The following NUP88 variants were observed in gnomAD, a reference collection of about 807,000 sequenced individuals.
NUP88 encodes the protein nucleoporin 88, also known as nuclear pore complex protein Nup88.
NUP88 carries 57 observed loss-of-function variants against 93.9 expected under a neutral mutation model. The observed-to-expected ratio is 0.61, with a 90% confidence interval of 0.49 to 0.76. The LOEUF (loss-of-function observed/expected upper bound fraction) is 0.76, where lower values mean the gene tolerates loss of function less well. Ranked by LOEUF, NUP88 falls within the 30% of genes least tolerant of loss-of-function variation. NUP88 has a pLI of 0.00. For missense variants in NUP88, 911 were observed against 901.0 expected, an observed-to-expected ratio of 1.01 and a Z score of -0.14; for synonymous variants, 346 against 336.8, an observed-to-expected ratio of 1.03 and a Z score of -0.30.
At chr17:5,395,323 CA>C (rs1912704939) in intron 8 of NUP88, among the ~76,000 whole-genome samples, 1 of 106,526 alleles carries the variant, frequency 9.4e-6, no homozygotes, top group African/African-American at 4.0e-5. Context: ...TTGGATTTCA[CA>C]TTTTTTTTTT....
chr17:5,414,764 CAAG>C (rs1432525774), intron 2 of NUP88, among the ~76,000 whole-genome samples: 1 of 149,924 alleles, frequency 6.7e-6, no homozygotes, highest in East Asian at 2.1e-4. Flanking sequence ...ACTAAAAATA[CAAG>C]AATTAGGCAA....
At chr17:5,403,337 C>T (rs1011962168) in intron 7 of NUP88, among the ~76,000 whole-genome samples, 3 of 151,974 alleles carry the variant, frequency 2.0e-5, no homozygotes, top group Non-Finnish European at 2.9e-5. Context: ...ATTAGCAGGG[C>T]GTGGTGGCAC....
chr17:5,391,681 A>G lies in NUP88; in HGVS notation c.1383-19T>C, dbSNP rs2285748. 0.22 allele frequency: 349,004 copies of G among 1,593,060 alleles called. 44,331 individuals are homozygous for G. The highest frequency in any genetic ancestry group is 0.57 in the East Asian group (25,622 of 44,684). Reference sequence around the variant, plus strand: ...TGGCTGCCTGGAAAAACACAGTCATAGTTAAATTACAAAGCAGCAAATGCA... The same window carrying G: ...TGGCTGCCTGGAAAAACACAGTCATGGTTAAATTACAAAGCAGCAAATGCA... On this transcript the variant is annotated intron_variant, in intron 9 of 16. Coordinates refer to ENST00000573584, the MANE Select transcript of NUP88 (RefSeq NM_002532.6).
rs149100275 is a variant in NUP88 at position 5,403,523 on chromosome 17, T to C, written c.1192+576A>G. On this transcript the variant is annotated intron_variant, in intron 7 of 16. Transcript: ENST00000573584. ...TAAAAATATAAAAATTAGCCAGGCATGGTGGTGGGTACCTGCAATCCAGCT... is the reference window on the plus strand; with the variant it reads ...TAAAAATATAAAAATTAGCCAGGCACGGTGGTGGGTACCTGCAATCCAGCT... Among the ~76,000 whole-genome samples the C allele has an allele frequency of 6.3e-3, 957 of 151,918 alleles. 7 individuals are homozygous for C. The highest frequency in any genetic ancestry group is 0.022 in the African/African-American group (900 of 41,446).
chr17:5,417,826 G>A (rs1176361209), intron 1 of NUP88, among the ~76,000 whole-genome samples: 2 of 148,562 alleles, frequency 1.3e-5, no homozygotes, highest in African/African-American at 2.5e-5. Context: ...GCAACAGAGC[G>A]AGATCCTGCC....
At chr17:5,416,832 A>AT (rs11391160) in intron 1 of NUP88, 150 bp from the exon 2 acceptor site, 163,271 of 387,428 alleles carry the variant, frequency 0.42, 24,926 homozygotes, top group African/African-American at 0.7. Flanking sequence ...TAACTCACAA[A>AT]TTTTTTTTTT....
chr17:5,400,508 A>C (rs113251972), intron 7 of NUP88, among the ~76,000 whole-genome samples: 63,668 of 147,718 alleles, frequency 0.43, 14,527 homozygotes, highest in East Asian at 0.84. Flanking sequence ...AAAAAAAAAA[A>C]AAAAAAAAAC....
intron 4 of NUP88, among the ~76,000 whole-genome samples, chr17:5,410,010 G>T (rs1340129081): frequency 3.9e-5 from 6 of 152,194 alleles, no homozygotes; most frequent in Non-Finnish European, 8.8e-5. Context: ...GCAATCAGGT[G>T]GCATACCTGT....
At chr17:5,387,348 A>C in intron 14 of NUP88, 38 bp downstream of exon 14, 1 of 1,544,138 alleles carries the variant, frequency 6.5e-7, no homozygotes, top group African/African-American at 1.4e-5. Context: ...CGTTGTTAGT[A>C]CCTGACTAGG....
In NUP88 at chr17:5,387,805, G is replaced by A. The variant is rs767283979; in HGVS notation, c.1743C>T (p.Asp581=). Reference sequence around the variant, plus strand: ...TCCGCTGAATCTCCTCCTTTGCCAAGTCCTGTTTGAGAATGTACTGCTCTC... The same window carrying A: ...TCCGCTGAATCTCCTCCTTTGCCAAATCCTGTTTGAGAATGTACTGCTCTC... ...VFREQYILKQ[D]LAKEEIQRRV... Residue 581 remains aspartate (D), a synonymous_variant, in exon 12 of 17, where the codon GAC becomes GAT. Transcript: ENST00000573584. The A allele has an allele frequency of 1.2e-6, 2 of 1,612,882 alleles. No homozygotes were observed. Among genetic ancestry groups the A allele is most frequent in the South Asian group, 1.1e-5 (1 of 90,778 alleles).
intron 7 of NUP88, among the ~76,000 whole-genome samples, chr17:5,402,045 G>A (rs1913200713): frequency 6.6e-6 from 1 of 152,184 alleles, no homozygotes; most frequent in Admixed American, 6.5e-5. Context: ...GGCTGGGCAT[G>A]GTGGTTTATG....
chr17:5,394,899 C>T lies in NUP88; in HGVS notation c.1374G>A (p.Leu458=), dbSNP rs766563515. Residue 458 remains leucine (L), a synonymous_variant, in exon 9 of 17, where the codon TTG becomes TTA. Coordinates refer to ENST00000573584, the MANE Select transcript of NUP88 (RefSeq NM_002532.6). ...GGAGGGAGAGTCCTTACCTGCAGGG[C>T]AATGGCTTCGTACAAAGGATGTGTT... The part of the protein sequence containing the change: ...FVEHILCTKP[L]PCRQPAPIRG... 2 of 1,611,408 alleles carry T rather than the reference C, an allele frequency of 1.2e-6. No homozygotes were observed. Among genetic ancestry groups the T allele is most frequent in the South Asian group, 2.2e-5 (2 of 91,010 alleles).
intron 8 of NUP88, among the ~76,000 whole-genome samples, chr17:5,397,797 CCTTT>C (rs1217256350): frequency 6.6e-6 from 1 of 152,008 alleles, no homozygotes; most frequent in South Asian, 2.1e-4. Flanking sequence ...TGAGGAAGTT[CCTTT>C]CTATTAAGTT....
chr17:5,386,319 T>G (rs757050648), intron 16 of NUP88, 50 bp from the exon 17 acceptor site: 1 of 1,346,506 alleles, frequency 7.4e-7, no homozygotes, highest in Non-Finnish European at 1.0e-6. Flanking sequence ...AAACCATTTA[T>G]ATGGATTCTT....
intron 9 of NUP88, among the ~76,000 whole-genome samples, chr17:5,394,434 G>T (rs1912639877): frequency 6.6e-6 from 1 of 152,174 alleles, no homozygotes; most frequent in African/African-American, 2.4e-5. Flanking sequence ...GCAATGCAGT[G>T]AAGGGCAGAC....
At chr17:5,386,912 T>G in intron 15 of NUP88, 72 bp downstream of exon 15, 1 of 1,595,290 alleles carries the variant, frequency 6.3e-7, no homozygotes, top group Middle Eastern at 1.7e-4. Flanking sequence ...TTTTACATTT[T>G]TGTAAAATTT....
At chr17:5,391,279 G>A (rs945629228) in intron 10 of NUP88, among the ~76,000 whole-genome samples, 4 of 152,094 alleles carry the variant, frequency 2.6e-5, no homozygotes, top group African/African-American at 9.7e-5. Context: ...TACTCATATC[G>A]ATAATGGAAT....
intron 8 of NUP88, among the ~76,000 whole-genome samples, chr17:5,398,571 G>GCTCA (rs998119357): frequency 2.7e-5 from 4 of 145,792 alleles, no homozygotes; most frequent in African/African-American, 1.0e-4. Context: ...GATTACAGGC[G>GCTCA]TGAGCCACTG....
Position 5,408,189 on chromosome 17 carries a change from G to A in NUP88, c.857+544C>T, listed in dbSNP as rs193193274. Among the ~76,000 whole-genome samples, 107 of 152,284 alleles carry A rather than the reference G, an allele frequency of 7.0e-4. 2 individuals are homozygous for A. The highest frequency in any genetic ancestry group is 2.4e-3 in the African/African-American group (101 of 41,546). On this transcript the variant is annotated intron_variant, in intron 5 of 16. Transcript: ENST00000573584. The stretch of plus-strand genomic sequence containing the variant: ...TCAGACGCTACTTTATGCTGCCCTT[G>A]ACAGAAATGGTCTCACTCTTCCTTG...
Sources: allele counts gnomAD v4.1 joint callset (sites outside exome capture counted in the v4.1 genomes callset), GRCh38; gene constraint gnomAD v4.1.1; transcripts MANE v1.5; gene names NCBI Gene and HGNC (gene_info 2026-07-23, HGNC 2026-07-21).